Variants in NAA15 observed in about 807,000 individuals in gnomAD.
The protein encoded by NAA15 is N-alpha-acetyltransferase 15, NatA auxiliary subunit, also known as N-terminal acetyltransferase.
A neutral mutation model predicts 114.0 loss-of-function variants in NAA15; 34 were observed. The observed-to-expected ratio is 0.30, with a 90% CI of 0.23 to 0.40. The LOEUF (loss-of-function observed/expected upper bound fraction) is 0.40. Among genes scored for constraint, NAA15 ranks in the 10% least tolerant of loss-of-function variants. The pLI is 1.00. For missense variants in NAA15, 658 were observed against 1,004.5 expected, an observed-to-expected ratio of 0.66 and a Z score of 4.66; for synonymous variants, 340 against 338.0, an observed-to-expected ratio of 1.01 and a Z score of -0.06.
chr4:139,375,848 A>C (rs927542608), intron 15 of NAA15, among the ~76,000 whole-genome samples: 2 of 149,208 alleles, frequency 1.3e-5, no homozygotes, highest in Non-Finnish European at 2.9e-5. Context: ...TTAATATTTT[A>C]AAATGCCACC....
intron 19 of NAA15, chr4:139,386,556 G>A (rs1267816391): frequency 7.3e-5 from 13 of 176,894 alleles, no homozygotes; most frequent in Non-Finnish European, 1.3e-4. Flanking sequence ...TTGGCTAGGC[G>A]TTTTGGTTCA....
At chr4:139,312,461 T>C (rs1746254912) in intron 1 of NAA15, among the ~76,000 whole-genome samples, 6 of 151,936 alleles carry the variant, frequency 3.9e-5, no homozygotes, top group Admixed American at 3.9e-4. Context: ...TTGCCTGTGG[T>C]TTTTTTCCTC....
At chr4:139,352,728 C>T (rs1442247666) in intron 9 of NAA15, among the ~76,000 whole-genome samples, 1 of 134,076 alleles carries the variant, frequency 7.5e-6, no homozygotes, top group African/African-American at 2.9e-5. Flanking sequence ...AGTGCAATGG[C>T]GTGATCTCAG....
intron 1 of NAA15, among the ~76,000 whole-genome samples, chr4:139,310,453 CAAA>C (rs770200901): frequency 3.7e-5 from 2 of 53,812 alleles, no homozygotes; most frequent in Admixed American, 2.1e-4. Context: ...GACTCCGTCT[CAAA>C]AAAAAAAAAA....
At chr4:139,343,962 A>G (rs1319494545) in intron 5 of NAA15, among the ~76,000 whole-genome samples, 1 of 152,010 alleles carries the variant, frequency 6.6e-6, no homozygotes, top group East Asian at 1.9e-4. Context: ...CCCCATATTT[A>G]TTGTGTGTAA....
chr4:139,321,471 GTT>G (rs909254599), intron 1 of NAA15, among the ~76,000 whole-genome samples: 6 of 113,222 alleles, frequency 5.3e-5, no homozygotes, highest in Admixed American at 9.3e-5. Flanking sequence ...GCCCTTATTT[GTT>G]TTTTTTTTTT....
intron 14 of NAA15, among the ~76,000 whole-genome samples, chr4:139,368,057 TC>T (rs1462312087): frequency 1.3e-5 from 2 of 151,854 alleles, no homozygotes; most frequent in African/African-American, 4.8e-5. Context: ...CTTTTGCAAC[TC>T]CCTGGCTCCA....
intron 1 of NAA15, among the ~76,000 whole-genome samples, chr4:139,326,358 A>G (rs1040209391): frequency 6.6e-6 from 1 of 152,124 alleles, no homozygotes; most frequent in African/African-American, 2.4e-5. Flanking sequence ...AGATTAAATA[A>G]ATTTTCCCTG....
intron 15 of NAA15, among the ~76,000 whole-genome samples, chr4:139,371,134 G>T (rs906394958): frequency 6.6e-6 from 1 of 152,042 alleles, no homozygotes; most frequent in Non-Finnish European, 1.5e-5. Flanking sequence ...GGAAGCAGTC[G>T]CCCCAGACTT....
chr4:139,341,550 C>T (rs537127557), intron 4 of NAA15, among the ~76,000 whole-genome samples: 26 of 133,332 alleles, frequency 2.0e-4, no homozygotes, highest in African/African-American at 2.6e-4. Context: ...GCCAAGATCA[C>T]GCCACTGCAC....
intron 15 of NAA15, among the ~76,000 whole-genome samples, chr4:139,375,427 A>G (rs949971514): frequency 1.3e-5 from 2 of 152,164 alleles, no homozygotes; most frequent in Non-Finnish European, 2.9e-5. Context: ...TGAATCCCAT[A>G]GAATTCACTT....
At chr4:139,377,605 T>C (rs2110992304) in intron 16 of NAA15, among the ~76,000 whole-genome samples, 1 of 152,242 alleles carries the variant, frequency 6.6e-6, no homozygotes, top group Middle Eastern at 3.4e-3. Context: ...ATTATATTAT[T>C]CCAAAATAGG....
chr4:139,341,086 C>T lies in NAA15; in HGVS notation c.402+17C>T. ...GGTTACAGGGTAAGTAAAATAGAGACTTTTTTTTTTAATTCTAAGGGGAAA... is the reference window on the plus strand; with the variant it reads ...GGTTACAGGGTAAGTAAAATAGAGATTTTTTTTTTTAATTCTAAGGGGAAA... On this transcript the variant is annotated intron_variant, in intron 4 of 19. Coordinates refer to ENST00000296543, the MANE Select transcript of NAA15 (RefSeq NM_057175.5). The T allele has an allele frequency of 1.5e-6, 2 of 1,326,634 alleles. No individual in the cohort carries two copies. The highest frequency in any genetic ancestry group is 2.0e-6 in the Non-Finnish European group (2 of 1,002,168). 82.2% of individuals were successfully genotyped at this position (1,326,634 alleles called of 1,614,324 possible). A position where few individuals can be genotyped will look rare whatever the true frequency, so the allele number is the denominator to read the frequency against.
chr4:139,303,698 G>A (rs1479553146), intron 1 of NAA15, among the ~76,000 whole-genome samples: 1 of 152,170 alleles, frequency 6.6e-6, no homozygotes. Context: ...TAGGGTGGCT[G>A]AGGCACAAGA....
Position 139,357,326 on chromosome 4 carries a change from G to T in NAA15, c.1088-60G>T, listed in dbSNP as rs963980685. 3 of 1,452,450 alleles carry T rather than the reference G, an allele frequency of 2.1e-6. No individual in the cohort carries two copies. In the African/African-American group the frequency reaches 4.2e-5, roughly 20 times the overall value. 90.0% of individuals were successfully genotyped at this position (1,452,450 alleles called of 1,614,324 possible). ...TGTTAATAAACATAGGGACCATTTT[G>T]GGGGGTGCTCTTAATATATGTAATG... is the stretch of plus-strand genomic sequence containing the variant. On this transcript the variant is annotated intron_variant, in intron 10 of 19. Coordinates refer to ENST00000296543, the MANE Select transcript of NAA15 (RefSeq NM_057175.5).
At chr4:139,383,772 A>G (rs564569328) in intron 17 of NAA15, among the ~76,000 whole-genome samples, 8 of 152,240 alleles carry the variant, frequency 5.3e-5, no homozygotes, top group African/African-American at 1.7e-4. Flanking sequence ...TGCCCAGCCT[A>G]TTTATTAATA....
At chr4:139,318,848 A>C (rs950022766) in intron 1 of NAA15, among the ~76,000 whole-genome samples, 3 of 127,286 alleles carry the variant, frequency 2.4e-5, no homozygotes, top group African/African-American at 8.6e-5. Context: ...ACCCCATCTC[A>C]AAAAAAAAAA....
chr4:139,365,261 C>T (rs1279052368), intron 14 of NAA15, among the ~76,000 whole-genome samples: 2 of 152,068 alleles, frequency 1.3e-5, no homozygotes, highest in African/African-American at 2.4e-5. Context: ...TGGTCTCGAA[C>T]GCCTGACCTC....
intron 16 of NAA15, 108 bp from the exon 17 acceptor site, chr4:139,378,648 C>CAA (rs1748656871): frequency 3.6e-6 from 2 of 557,182 alleles, no homozygotes; most frequent in Non-Finnish European, 6.1e-6. Flanking sequence ...GTTTGTGGTT[C>CAA]TGATGTGATC....
Sources: allele counts gnomAD v4.1 joint callset (sites outside exome capture counted in the v4.1 genomes callset), GRCh38; gene constraint gnomAD v4.1.1; transcripts MANE v1.5; gene names NCBI Gene and HGNC (gene_info 2026-07-23, HGNC 2026-07-21).